ARID3B: variants seen among roughly 807,000 people sequenced by gnomAD.
The protein encoded by ARID3B is AT-rich interaction domain 3B.
In ARID3B, 10 loss-of-function variants were observed where a neutral mutation model predicts 51.9. The observed-to-expected ratio is 0.19, with a 90% CI of 0.12 to 0.33. ARID3B has a LOEUF of 0.33. Ranked by LOEUF, ARID3B falls within the 10% of genes least tolerant of loss-of-function variation. The pLI, the probability that ARID3B is intolerant of heterozygous loss-of-function variation, is 1.00. For missense variants in ARID3B, 483 were observed against 716.3 expected (o/e 0.67, Z 3.72); for synonymous variants, 205 against 279.5 (o/e 0.73, Z 2.66).
intron 4 of ARID3B, among the ~76,000 whole-genome samples, chr15:74,579,868 TGTGTGCGC>T (rs1318979396): frequency 3.0e-3 from 372 of 125,152 alleles, no homozygotes; most frequent in African/African-American, 0.01. Context: ...TGTGTGTGTG[TGTGTGCGC>T]GCGCGCGCAC....
intron 7 of ARID3B, among the ~76,000 whole-genome samples, chr15:74,592,211 G>A (rs1169350330): frequency 1.3e-5 from 2 of 152,210 alleles, no homozygotes; most frequent in South Asian, 2.1e-4. Flanking sequence ...GAGGCTCAGC[G>A]AGGGGCCAAG....
At chr15:74,582,916 G>A (rs578075887) in intron 4 of ARID3B, among the ~76,000 whole-genome samples, 10 of 152,048 alleles carry the variant, frequency 6.6e-5, no homozygotes, top group African/African-American at 1.2e-4. Context: ...TGAACTAGCC[G>A]GGTACGGTGG....
At chr15:74,557,488 C>G (rs1264468629) in intron 2 of ARID3B, among the ~76,000 whole-genome samples, 1 of 151,824 alleles carries the variant, frequency 6.6e-6, no homozygotes, top group African/African-American at 2.4e-5. Flanking sequence ...TACAGTTGTT[C>G]ATAGCTTTAG....
At chr15:74,551,099 A>T (rs1230977573) in intron 2 of ARID3B, among the ~76,000 whole-genome samples, 1 of 152,196 alleles carries the variant, frequency 6.6e-6, no homozygotes, top group East Asian at 1.9e-4. Context: ...CACATCTCGT[A>T]AATTTTGTCT....
At chr15:74,545,914 A>C (rs1214240867) in intron 2 of ARID3B, among the ~76,000 whole-genome samples, 1 of 152,212 alleles carries the variant, frequency 6.6e-6, no homozygotes, top group Non-Finnish European at 1.5e-5. Context: ...TGAAATAAAA[A>C]GAGTGCCACT....
intron 2 of ARID3B, among the ~76,000 whole-genome samples, chr15:74,551,136 T>A (rs894027456): frequency 6.6e-6 from 1 of 152,210 alleles, no homozygotes; most frequent in Non-Finnish European, 1.5e-5. Context: ...TGAAAATAGT[T>A]TACATATAAG....
At chr15:74,557,123 TAA>T (rs1345573513) in intron 2 of ARID3B, among the ~76,000 whole-genome samples, 1 of 151,922 alleles carries the variant, frequency 6.6e-6, no homozygotes, top group Non-Finnish European at 1.5e-5. Context: ...TTATATGTAA[TAA>T]AAGTCTTGGC....
At chr15:74,559,609 T>C (rs1301779061) in intron 2 of ARID3B, among the ~76,000 whole-genome samples, 1 of 152,220 alleles carries the variant, frequency 6.6e-6, no homozygotes, top group Non-Finnish European at 1.5e-5. Flanking sequence ...AGCTGGCTAG[T>C]GAACCCAGGT....
chr15:74,579,884 C>T (rs1224052798), intron 4 of ARID3B, among the ~76,000 whole-genome samples: 2 of 149,862 alleles, frequency 1.3e-5, no homozygotes, highest in African/African-American at 4.9e-5. Context: ...CGCGCGCGCG[C>T]ACACGCAAAA....
At chr15:74,585,112 G>T (rs1428864185) in intron 4 of ARID3B, among the ~76,000 whole-genome samples, 1 of 152,228 alleles carries the variant, frequency 6.6e-6, no homozygotes, top group Non-Finnish European at 1.5e-5. Flanking sequence ...ACAGTCCACA[G>T]GCTTCCCCAT....
At position 74,591,949 on chromosome 15, in the gene ARID3B, A is replaced by G. The variant is rs2141480884; in HGVS notation, c.1420+135A>G. ...GAGGCCCCTCCAGGTTCTGCCTTCCAGGCCCCTAGAAGAGAGGCACTGAGA... is the reference window on the plus strand; with the variant it reads ...GAGGCCCCTCCAGGTTCTGCCTTCCGGGCCCCTAGAAGAGAGGCACTGAGA... On this transcript the variant is annotated intron_variant, in intron 7 of 8. Transcript: ENST00000346246. The surrounding 1 kb of genome is among the most constrained non-coding windows in gnomAD (Gnocchi z 5.8). 1 of 1,395,092 alleles carries G rather than the reference A, an allele frequency of 7.2e-7. No individual in the cohort carries two copies. Among genetic ancestry groups the G allele is most frequent in the Non-Finnish European group, 9.6e-7 (1 of 1,038,934 alleles). 86.4% of individuals were successfully genotyped at this position (1,395,092 alleles called of 1,614,324 possible). A position where few individuals can be genotyped will look rare whatever the true frequency, so the allele number is the denominator to read the frequency against.
At chr15:74,541,921 AG>A (rs1298416769) in intron 1 of ARID3B, among the ~76,000 whole-genome samples, 2 of 152,198 alleles carry the variant, frequency 1.3e-5, no homozygotes, top group Non-Finnish European at 2.9e-5. Context: ...AAATGTAGGC[AG>A]GTGGCATTGT....
intron 2 of ARID3B, among the ~76,000 whole-genome samples, chr15:74,557,844 C>T (rs540296074): frequency 3.3e-5 from 4 of 120,800 alleles, no homozygotes; most frequent in East Asian, 5.1e-4. Context: ...TTTTTTGAGA[C>T]GGAGTCTCAC....
At chr15:74,580,319 C>T (rs2061756857) in intron 4 of ARID3B, among the ~76,000 whole-genome samples, 1 of 152,168 alleles carries the variant, frequency 6.6e-6, no homozygotes, top group Admixed American at 6.5e-5. Flanking sequence ...TCCATTTAGT[C>T]TTTCAGTGCC....
rs868300648 is a variant in ARID3B at position 74,555,865 on chromosome 15, C to A, written c.552+11377C>A. 2.1e-5 allele frequency among the ~76,000 whole-genome samples: 3 copies of A among 145,344 alleles called. No individual in the cohort carries two copies. The Admixed American group carries it at 2.2e-4, about 11-fold the overall frequency. On this transcript the variant is annotated intron_variant, in intron 2 of 8. Coordinates refer to ENST00000346246, the MANE Select transcript of ARID3B (RefSeq NM_006465.4). Reference sequence around the variant, plus strand: ...GGAGTGCAGTGGCACAATCTCCGCTCACTGCAAGCTCCGCCTCCCAGGTTC... The same window carrying A: ...GGAGTGCAGTGGCACAATCTCCGCTAACTGCAAGCTCCGCCTCCCAGGTTC...
chr15:74,578,815 G>T (rs564492649), intron 4 of ARID3B, among the ~76,000 whole-genome samples: 42 of 152,138 alleles, frequency 2.8e-4, no homozygotes, highest in Non-Finnish European at 5.1e-4. Context: ...GATCACTTGA[G>T]CTTGGAAGGT....
intron 4 of ARID3B, among the ~76,000 whole-genome samples, chr15:74,585,875 G>A (rs543228763): frequency 1.3e-5 from 2 of 152,300 alleles, no homozygotes; most frequent in South Asian, 2.1e-4. Context: ...TCAAAGACGC[G>A]GCAGGCTTTT....
Position 74,544,451 on chromosome 15 carries a change from G to A in ARID3B, c.515G>A (p.Gly172Glu). 1.9e-6 allele frequency: 3 copies of A among 1,614,096 alleles called. No individual in the cohort carries two copies. The highest frequency in any genetic ancestry group is 2.5e-6 in the Non-Finnish European group (3 of 1,180,000). ...GCCTCACCTTCTGTCTCCACAGCAG[G>A]ACAGCCGAACTGGAATCTGGATGAG... is the stretch of plus-strand genomic sequence containing the variant. ...SKASPSVSTA[G>E]QPNWNLDEQL... Residue 172 changes from glycine to glutamate, a missense_variant, in exon 2 of 9, where the codon GGA becomes GAA. Physicochemically the swap from Gly to Glu is moderately conservative, Grantham distance 98. Transcript: ENST00000346246.
intron 2 of ARID3B, among the ~76,000 whole-genome samples, chr15:74,571,565 C>T (rs1193751307): frequency 6.6e-6 from 1 of 152,168 alleles, no homozygotes; most frequent in East Asian, 1.9e-4. Flanking sequence ...CTTTTTGACC[C>T]CCCTGTAAGG....
Sources: gnomAD v4.1 joint callset for allele counts (sites outside exome capture counted in the v4.1 genomes callset) on GRCh38, gnomAD v4.1.1 for gene constraint, Gnocchi (gnomAD v3.1) non-coding constraint, MANE v1.5 for transcripts, NCBI Gene and HGNC (gene_info 2026-07-23, HGNC 2026-07-21) for gene names.